Variants in SORCS2 observed in about 807,000 individuals in gnomAD.
SORCS2 encodes sortilin related VPS10 domain containing receptor 2.
SORCS2 carries 100 observed loss-of-function variants against 141.6 expected under a neutral mutation model. That is an observed-to-expected ratio of 0.71 (90% CI 0.60 to 0.83). The LOEUF is 0.83. SORCS2 is among the 40% of genes least tolerant of loss of function. SORCS2 has a pLI of 0.00. For synonymous variants in SORCS2, 789 were observed against 676.9 expected (o/e 1.17, Z -2.57); for missense variants, 1,646 against 1,560.2 (o/e 1.05, Z -0.93).
At chr4:7,371,390 C>G (rs888470811) in intron 1 of SORCS2, among the ~76,000 whole-genome samples, 1 of 152,180 alleles carries the variant, frequency 6.6e-6, no homozygotes, top group East Asian at 1.9e-4. Context: ...TGGCGATGTC[C>G]GTTTCCCATT....
At chr4:7,341,911 G>T (rs1720389717) in intron 1 of SORCS2, among the ~76,000 whole-genome samples, 1 of 152,148 alleles carries the variant, frequency 6.6e-6, no homozygotes, top group Non-Finnish European at 1.5e-5. Context: ...CTACGGGTTT[G>T]CCTGTTCTAG....
intron 2 of SORCS2, among the ~76,000 whole-genome samples, chr4:7,438,725 A>T (rs755809787): frequency 1.9e-4 from 29 of 150,906 alleles, no homozygotes; most frequent in East Asian, 5.9e-4. Flanking sequence ...ATGTTTTTTT[A>T]AAAAAAGTTT....
intron 1 of SORCS2, among the ~76,000 whole-genome samples, chr4:7,222,829 A>C (rs1050788935): frequency 1.6e-4 from 24 of 152,062 alleles, no homozygotes; most frequent in Non-Finnish European, 3.1e-4. Flanking sequence ...TGGGGTGGTC[A>C]TGGGGCTGGC....
intron 3 of SORCS2, among the ~76,000 whole-genome samples, chr4:7,550,527 A>G (rs926841588): frequency 6.6e-6 from 1 of 152,220 alleles, no homozygotes; most frequent in East Asian, 1.9e-4. Flanking sequence ...TTGGAAAGAC[A>G]TGAGATAGAA....
chr4:7,570,003 C>A (rs967611582), intron 3 of SORCS2, among the ~76,000 whole-genome samples: 2 of 152,138 alleles, frequency 1.3e-5, no homozygotes, highest in South Asian at 4.1e-4. Context: ...GGGCAGGGGA[C>A]GAGGGCTCCC....
chr4:7,433,875 C>G, intron 2 of SORCS2: 1 of 1,613,940 alleles, frequency 6.2e-7, no homozygotes, highest in Non-Finnish European at 8.5e-7. Context: ...AGATGATGCA[C>G]TCCTTCGTGA....
At chr4:7,237,774 T>C (rs1171031853) in intron 1 of SORCS2, among the ~76,000 whole-genome samples, 3 of 152,032 alleles carry the variant, frequency 2.0e-5, no homozygotes, top group African/African-American at 7.2e-5. Flanking sequence ...CAAAGCTCTT[T>C]GGAACAGGCA....
chr4:7,494,660 C>T (rs184623622), intron 2 of SORCS2, among the ~76,000 whole-genome samples: 2 of 152,370 alleles, frequency 1.3e-5, no homozygotes, highest in East Asian at 3.9e-4. Flanking sequence ...GGGGTTAGGG[C>T]CTCAGCATGT....
intron 3 of SORCS2, among the ~76,000 whole-genome samples, chr4:7,606,442 G>C (rs1057039486): frequency 3.3e-5 from 5 of 152,020 alleles, no homozygotes; most frequent in Non-Finnish European, 7.4e-5. Flanking sequence ...TTCTCGTTCC[G>C]ACTCCTTGTC....
intron 1 of SORCS2, among the ~76,000 whole-genome samples, chr4:7,227,506 T>C (rs1729058897): frequency 6.6e-6 from 1 of 152,176 alleles, no homozygotes; most frequent in African/African-American, 2.4e-5. Flanking sequence ...TGTGCTCTTC[T>C]GGGGCCTTGT....
At chr4:7,354,322 C>T (rs539598347) in intron 1 of SORCS2, among the ~76,000 whole-genome samples, 5 of 152,154 alleles carry the variant, frequency 3.3e-5, no homozygotes, top group East Asian at 1.9e-4. Context: ...ACCTACCCAG[C>T]GCTGCCTTCC....
chr4:7,452,443 G>C (rs1392609349), intron 2 of SORCS2, among the ~76,000 whole-genome samples: 2 of 152,134 alleles, frequency 1.3e-5, no homozygotes, highest in Admixed American at 6.5e-5. Context: ...TGCTCGGCCT[G>C]GAAGGTTCTT....
At chr4:7,346,742 G>A (rs1249207322) in intron 1 of SORCS2, among the ~76,000 whole-genome samples, 3 of 152,194 alleles carry the variant, frequency 2.0e-5, no homozygotes, top group Non-Finnish European at 4.4e-5. Flanking sequence ...ATTTGTACTT[G>A]TTATATCTTC....
At chr4:7,205,812 G>A (rs1427012244) in intron 1 of SORCS2, among the ~76,000 whole-genome samples, 3 of 152,246 alleles carry the variant, frequency 2.0e-5, no homozygotes, top group African/African-American at 7.2e-5. Flanking sequence ...GGAGGCAGAG[G>A]CGGGTGGATC....
intron 2 of SORCS2, among the ~76,000 whole-genome samples, chr4:7,413,840 A>C (rs1369580246): frequency 6.6e-6 from 1 of 152,156 alleles, no homozygotes; most frequent in Non-Finnish European, 1.5e-5. Flanking sequence ...GTCCTTGTAC[A>C]TACCCTGCCC....
chr4:7,238,297 G>C (rs1003769977), intron 1 of SORCS2, among the ~76,000 whole-genome samples: 96 of 152,182 alleles, frequency 6.3e-4, no homozygotes, highest in African/African-American at 1.2e-3. Flanking sequence ...GTCTGGGGGG[G>C]GTTGCTGGTA....
rs1180658458 is a variant in SORCS2, at chr4:7,286,098, C to T, written c.480+92972C>T. On this transcript the variant is annotated intron_variant, in intron 1 of 26. Transcript: ENST00000507866. The surrounding 1 kb of genome is among the most constrained non-coding windows in gnomAD (Gnocchi z 4.1). ...CGGTGCCTCTTTGTGGTGGGTGTAA[C>T]TGTCAGCATCCTTGCTGTCCCCCTC... Among the ~76,000 whole-genome samples the T allele has an allele frequency of 6.6e-6, 1 of 152,226 alleles. No homozygotes were observed. Among genetic ancestry groups the T allele is most frequent in the Non-Finnish European group, 1.5e-5 (1 of 68,038 alleles).
intron 2 of SORCS2, among the ~76,000 whole-genome samples, chr4:7,495,912 G>A (rs1378091146): frequency 6.6e-6 from 1 of 152,192 alleles, no homozygotes; most frequent in Non-Finnish European, 1.5e-5. Flanking sequence ...GCCACCCAGA[G>A]AAACAGGGAG....
intron 1 of SORCS2, among the ~76,000 whole-genome samples, chr4:7,313,017 C>A (rs1053805028): frequency 6.6e-6 from 1 of 152,222 alleles, no homozygotes; most frequent in African/African-American, 2.4e-5. Flanking sequence ...TGTAGCTGGG[C>A]AGAGGCCTGC....
Sources: allele counts gnomAD v4.1 joint callset (sites outside exome capture counted in the v4.1 genomes callset), GRCh38; gene constraint gnomAD v4.1.1; non-coding constraint Gnocchi (gnomAD v3.1); transcripts MANE v1.5; gene names NCBI Gene and HGNC (gene_info 2026-07-23, HGNC 2026-07-21).